Variants in TENM3 observed in about 807,000 individuals in gnomAD.
TENM3 encodes the protein teneurin-3.
A neutral mutation model predicts 255.1 loss-of-function variants in TENM3; 63 were observed. The ratio of observed to expected loss-of-function variants is 0.25; its 90% CI spans 0.20 to 0.30. The LOEUF (loss-of-function observed/expected upper bound fraction) is 0.30, where lower values mean the gene tolerates loss of function less well. Among genes scored for constraint, TENM3 ranks in the 10% least tolerant of loss-of-function variants. The probability of loss-of-function intolerance (pLI) is 1.00; values close to 1 mark genes in which losing one functional copy is unlikely to be tolerated. For synonymous variants in TENM3, 1,306 were observed against 1,322.3 expected (o/e 0.99, Z 0.27); for missense variants, 2,929 against 3,461.1 (o/e 0.85, Z 3.86).
chr4:181,593,997 T>TG, the TENM3 span, among the ~76,000 whole-genome samples: 90 of 98,668 alleles, frequency 9.1e-4, no homozygotes, highest in Non-Finnish European at 1.9e-3. Flanking sequence ...TGCAGGAGTT[T>TG]TTTTTTTTTT....
At chr4:182,056,669 C>G in the TENM3 span, among the ~76,000 whole-genome samples, 1 of 152,144 alleles carries the variant, frequency 6.6e-6, no homozygotes, top group African/African-American at 2.4e-5. Flanking sequence ...CAGCTGCATG[C>G]CATGTTCTCT....
chr4:181,752,334 C>T, the TENM3 span, among the ~76,000 whole-genome samples: 1 of 152,062 alleles, frequency 6.6e-6, no homozygotes, highest in Non-Finnish European at 1.5e-5. Flanking sequence ...CAGATCTCCT[C>T]AGGTTAGGAG....
At chr4:182,519,458 G>T (rs1738336275) in intron 3 of TENM3, among the ~76,000 whole-genome samples, 1 of 152,166 alleles carries the variant, frequency 6.6e-6, no homozygotes, top group Admixed American at 6.6e-5. Context: ...TTATTTTTAA[G>T]GTAGAAATTT....
the TENM3 span, among the ~76,000 whole-genome samples, chr4:181,999,983 T>A: frequency 2.6e-3 from 396 of 152,232 alleles, 2 homozygotes; most frequent in Admixed American, 4.3e-3. Context: ...CTTCCAAACC[T>A]GTGAAAATTT....
chr4:181,605,496 AAG>A, the TENM3 span, among the ~76,000 whole-genome samples: 1 of 9,780 alleles, frequency 1.0e-4, no homozygotes, highest in Non-Finnish European at 2.2e-4. Flanking sequence ...GAAAGAAAGA[AAG>A]AAAGAAAGAA....
chr4:182,201,492 C>G (rs1414850428), intron 1 of TENM3, among the ~76,000 whole-genome samples: 2 of 152,006 alleles, frequency 1.3e-5, no homozygotes, highest in East Asian at 3.9e-4. Context: ...GGTAAACATT[C>G]CAGGACTGTG....
chr4:182,751,665 C>A, intron 19 of TENM3, 135 bp from the exon 20 acceptor site: 1 of 654,052 alleles, frequency 1.5e-6, no homozygotes, highest in Non-Finnish European at 2.7e-6. Context: ...ATAGACAGTA[C>A]TATTCATGTC....
At chr4:182,265,743 C>T (rs1429915493) in intron 1 of TENM3, among the ~76,000 whole-genome samples, 2 of 151,992 alleles carry the variant, frequency 1.3e-5, no homozygotes, top group Non-Finnish European at 2.9e-5. Flanking sequence ...GTGTAGTGCT[C>T]ATATAAAAGA....
chr4:181,588,113 C>T, the TENM3 span, among the ~76,000 whole-genome samples: 3 of 152,114 alleles, frequency 2.0e-5, no homozygotes, highest in Non-Finnish European at 4.4e-5. Flanking sequence ...GCCAGACATG[C>T]CAAGTTGCCC....
At chr4:181,818,290 A>G in the TENM3 span, among the ~76,000 whole-genome samples, 1 of 152,144 alleles carries the variant, frequency 6.6e-6, no homozygotes, top group Admixed American at 6.5e-5. Flanking sequence ...ACGGGAGATT[A>G]TTTTTGATAA....
chr4:181,710,239 G>A, the TENM3 span, among the ~76,000 whole-genome samples: 1 of 152,086 alleles, frequency 6.6e-6, no homozygotes, highest in East Asian at 1.9e-4. Context: ...TAAAACAAGA[G>A]CCATTAAGAT....
At chr4:181,481,103 A>C in the TENM3 span, among the ~76,000 whole-genome samples, 1 of 148,862 alleles carries the variant, frequency 6.7e-6, no homozygotes, top group African/African-American at 2.4e-5. Context: ...ATAACACTTT[A>C]AGAATTTTGT....
At chr4:182,476,578 A>G (rs984114014) in intron 3 of TENM3, among the ~76,000 whole-genome samples, 2 of 151,966 alleles carry the variant, frequency 1.3e-5, no homozygotes, top group East Asian at 3.8e-4. Context: ...GTGTATATGT[A>G]TCTATATATT....
the TENM3 span, among the ~76,000 whole-genome samples, chr4:181,507,476 G>A: frequency 2.0e-5 from 3 of 152,160 alleles, no homozygotes; most frequent in Non-Finnish European, 4.4e-5. Context: ...TTTTCTGCCG[G>A]CACATATTAA....
chr4:182,358,398 C>T (rs921876356), intron 3 of TENM3, among the ~76,000 whole-genome samples: 3 of 151,050 alleles, frequency 2.0e-5, no homozygotes, highest in African/African-American at 7.3e-5. Flanking sequence ...TTTCATTGAG[C>T]AGTGGTTTGT....
chr4:182,569,867 A>T (rs547377589), intron 3 of TENM3, among the ~76,000 whole-genome samples: 22 of 139,576 alleles, frequency 1.6e-4, no homozygotes, highest in African/African-American at 6.3e-4. Context: ...GTCTTTCTGG[A>T]AGCCTCGGAA....
the TENM3 span, among the ~76,000 whole-genome samples, chr4:181,678,914 G>T: frequency 6.6e-6 from 1 of 150,846 alleles, no homozygotes; most frequent in Middle Eastern, 3.2e-3. Context: ...AAATAACAGC[G>T]ATATGATGAT....
chr4:182,214,036 T>C (rs1378828637), intron 1 of TENM3, among the ~76,000 whole-genome samples: 2 of 152,160 alleles, frequency 1.3e-5, no homozygotes, highest in Non-Finnish European at 2.9e-5. Context: ...TCTCTTGACC[T>C]TGTGATCCCC....
In TENM3 at chr4:182,643,202, A is replaced by G. The variant is rs144670658; in HGVS notation, c.989-10569A>G. Among the ~76,000 whole-genome samples, 15 of 152,282 alleles carry G rather than the reference A, an allele frequency of 9.9e-5. No homozygotes were observed. In the East Asian group the frequency reaches 2.9e-3, roughly 29 times the overall value. ...TATTTTTCTTATTTTTTTCTGTGAA[A>G]TCTGATTATTAGCACATGAAATACA... is the stretch of plus-strand genomic sequence containing the variant. On this transcript the variant is annotated intron_variant, in intron 5 of 27. Coordinates refer to ENST00000511685, the MANE Select transcript of TENM3 (RefSeq NM_001080477.4).
Sources: gnomAD v4.1 joint callset for allele counts (sites outside exome capture counted in the v4.1 genomes callset) on GRCh38, gnomAD v4.1.1 for gene constraint, MANE v1.5 for transcripts, NCBI Gene and HGNC (gene_info 2026-07-23, HGNC 2026-07-21) for gene names.